The following PLAAT3 variants were observed in gnomAD, a reference collection of about 807,000 sequenced individuals.
The protein encoded by PLAAT3 is phospholipase A and acyltransferase 3, also known as Ca-independent phospholipase A1/2.
Under a neutral mutation model 16.7 loss-of-function variants are expected in PLAAT3, and 21 were observed. The observed-to-expected ratio is 1.26, with a 90% confidence interval of 0.89 to 1.81. PLAAT3 has a LOEUF of 1.81. Among genes scored for constraint, PLAAT3 ranks in the 40% most tolerant of loss-of-function variants. The pLI is 0.00. For missense variants in PLAAT3, 219 were observed against 213.7 expected (o/e 1.02, Z -0.16); for synonymous variants, 76 against 81.7 (o/e 0.93, Z 0.38).
Position 63,590,395 on chromosome 11 carries a change from G to C in PLAAT3, c.119-27C>G, listed in dbSNP as rs1590689196. The C allele has an allele frequency of 8.7e-6, 14 of 1,610,256 alleles. No individual in the cohort carries two copies. In the East Asian group the frequency reaches 2.9e-4, roughly 33 times the overall value. ...TGCAGATCCACAAAGAGGAAACAGAGGGATTGGTCCTGGGAAGGGCCACGG... is the reference window on the plus strand; with the variant it reads ...TGCAGATCCACAAAGAGGAAACAGACGGATTGGTCCTGGGAAGGGCCACGG... On this transcript the variant is annotated intron_variant, in intron 3 of 4. Coordinates refer to ENST00000415826, the MANE Select transcript of PLAAT3 (RefSeq NM_001128203.2).
rs996247730 is a variant in PLAAT3 at position 63,604,245 on chromosome 11, G to A, written c.16-6082C>T. On this transcript the variant is annotated intron_variant, in intron 2 of 4. Transcript: ENST00000415826. ...GCTGTTATATATTACATACGCAACA[G>A]TGCGTGGTTGGGATTCAGAACTTTT... Among the ~76,000 whole-genome samples the A allele has an allele frequency of 3.3e-5, 5 of 152,146 alleles. No homozygotes were observed. In the East Asian group the frequency reaches 9.6e-4, roughly 29 times the overall value.
At chr11:63,581,296 T>C (rs907519452) in intron 4 of PLAAT3, among the ~76,000 whole-genome samples, 1 of 152,204 alleles carries the variant, frequency 6.6e-6, no homozygotes, top group African/African-American at 2.4e-5. Flanking sequence ...AGAAAGCCTA[T>C]AGACAGATGT....
At chr11:63,575,390 C>T (rs1318939703) in intron 4 of PLAAT3, among the ~76,000 whole-genome samples, 2 of 152,168 alleles carry the variant, frequency 1.3e-5, no homozygotes. Context: ...ATGGGGAGCT[C>T]TAGAAGCAAA....
At position 63,598,683 on chromosome 11, in the gene PLAAT3, T is replaced by A. The variant is rs535194204; in HGVS notation, c.16-520A>T. On this transcript the variant is annotated intron_variant, in intron 2 of 4. Coordinates refer to ENST00000415826, the MANE Select transcript of PLAAT3 (RefSeq NM_001128203.2). ...CTGACCATCAGGAAACACCACCAGT[T>A]ATGTGACTAGAGCTGCCCACCTGGG... The A allele has an allele frequency of 1.8e-4, 92 of 518,330 alleles. 1 individual carries two copies. The highest frequency in any genetic ancestry group is 1.3e-3 in the South Asian group (92 of 71,432). 32.1% of individuals were successfully genotyped at this position (518,330 alleles called of 1,614,324 possible).
chr11:63,601,960 A>T (rs1938441589), intron 2 of PLAAT3, among the ~76,000 whole-genome samples: 1 of 144,396 alleles, frequency 6.9e-6, no homozygotes, highest in Non-Finnish European at 1.5e-5. Flanking sequence ...AGCCTGGGTG[A>T]CAAGAGCGAA....
chr11:63,609,837 C>T (rs916445366), intron 2 of PLAAT3, among the ~76,000 whole-genome samples: 1 of 152,174 alleles, frequency 6.6e-6, no homozygotes, highest in Non-Finnish European at 1.5e-5. Flanking sequence ...CATCCACCCT[C>T]CCAGACTTTG....
intron 4 of PLAAT3, among the ~76,000 whole-genome samples, chr11:63,582,211 G>A (rs1937837595): frequency 6.6e-6 from 1 of 152,192 alleles, no homozygotes; most frequent in African/African-American, 2.4e-5. Context: ...TCTGGAGGAT[G>A]TGATCTACCT....
At chr11:63,616,470 G>C (rs947437130), upstream of PLAAT3, 1 of 151,776 alleles carries the variant, frequency 6.6e-6, no homozygotes, top group African/African-American at 2.4e-5. Context: ...TATTTAAATA[G>C]AGACAAGGTC....
intron 3 of PLAAT3, among the ~76,000 whole-genome samples, chr11:63,594,348 A>C (rs971440523): frequency 5.9e-5 from 9 of 152,162 alleles, no homozygotes; most frequent in Non-Finnish European, 4.4e-5. Flanking sequence ...AGGTCATCTG[A>C]GCTCGATTTA....
At chr11:63,602,226 G>T (rs1208972555) in intron 2 of PLAAT3, among the ~76,000 whole-genome samples, 5 of 151,658 alleles carry the variant, frequency 3.3e-5, no homozygotes, top group Non-Finnish European at 7.4e-5. Flanking sequence ...GGAGGCGGAG[G>T]TTGCAGTGAG....
intron 4 of PLAAT3, 116 bp from the exon 5 acceptor site, chr11:63,575,162 A>C: frequency 1.5e-6 from 1 of 651,384 alleles, no homozygotes; most frequent in South Asian, 1.8e-5. Context: ...CTCCCTGGCC[A>C]AACTAAGGAG....
chr11:63,615,076 G>GTGTATATATGTGTATATA (rs1283792028), upstream of PLAAT3, among the ~76,000 whole-genome samples: 1 of 31,678 alleles, frequency 3.2e-5, no homozygotes, highest in Admixed American at 5.5e-4. Flanking sequence ...GTGTATATAT[G>GTGTATATATGTGTATATA]TGTGTATATA....
intron 4 of PLAAT3, among the ~76,000 whole-genome samples, chr11:63,578,315 T>C (rs1183795657): frequency 6.6e-6 from 1 of 151,520 alleles, no homozygotes; most frequent in African/African-American, 2.4e-5. Flanking sequence ...GAAATAGTGC[T>C]CTGAGTCCCA....
intron 2 of PLAAT3, among the ~76,000 whole-genome samples, chr11:63,608,996 A>G (rs911659211): frequency 6.6e-6 from 1 of 152,204 alleles, no homozygotes; most frequent in Non-Finnish European, 1.5e-5. Flanking sequence ...ATAGGGCTTG[A>G]TAACGTAGGA....
chr11:63,582,103 T>A (rs1937833397), intron 4 of PLAAT3, among the ~76,000 whole-genome samples: 4 of 152,294 alleles, frequency 2.6e-5, no homozygotes, highest in African/African-American at 9.6e-5. Flanking sequence ...CACTTATCAA[T>A]CCAGATTGGA....
chr11:63,603,807 A>G (rs538932061), intron 2 of PLAAT3, among the ~76,000 whole-genome samples: 2 of 152,154 alleles, frequency 1.3e-5, no homozygotes, highest in African/African-American at 4.8e-5. Flanking sequence ...GCATGGAAAT[A>G]TTAATTGAGA....
rs67821162 is a variant in PLAAT3, at chr11:63,603,703, T to TAC, written c.16-5542_16-5541dup. 2.1e-4 allele frequency among the ~76,000 whole-genome samples: 25 copies of TAC among 117,096 alleles called. 1 individual carries two copies. Among genetic ancestry groups the TAC allele is most frequent in the African/African-American group, 6.2e-4 (17 of 27,362 alleles). The allele number at this position is 117,096 out of a possible 152,430, so 76.8% of individuals were successfully genotyped here. A position where few individuals can be genotyped will look rare whatever the true frequency, so the allele number is the denominator to read the frequency against. On this transcript the variant is annotated intron_variant, in intron 2 of 4. Coordinates refer to ENST00000415826, the MANE Select transcript of PLAAT3 (RefSeq NM_001128203.2). Reference sequence around the variant, plus strand: ...AAAGGGCTAGTTAAGTAAATTATCCTACACACACACACACACACACACACA... The same window carrying TAC: ...AAAGGGCTAGTTAAGTAAATTATCCTACACACACACACACACACACACACACA...
At chr11:63,582,472 G>A (rs1446875209) in intron 4 of PLAAT3, among the ~76,000 whole-genome samples, 1 of 152,162 alleles carries the variant, frequency 6.6e-6, no homozygotes, top group Non-Finnish European at 1.5e-5. Flanking sequence ...TGTACTGAGA[G>A]CTAATTGGAT....
intron 4 of PLAAT3, among the ~76,000 whole-genome samples, chr11:63,581,060 G>A (rs189617980): frequency 6.6e-6 from 1 of 152,132 alleles, no homozygotes; most frequent in Non-Finnish European, 1.5e-5. Context: ...TCTTATGCCT[G>A]TCTTTAATCT....
Sources: allele counts gnomAD v4.1 joint callset (sites outside exome capture counted in the v4.1 genomes callset), GRCh38; gene constraint gnomAD v4.1.1; transcripts MANE v1.5; gene names NCBI Gene and HGNC (gene_info 2026-07-23, HGNC 2026-07-21).